Variants in CNTLN observed in about 807,000 individuals in gnomAD.
The protein encoded by CNTLN is centlein.
In CNTLN, 212 loss-of-function variants were observed where a neutral mutation model predicts 180.0. That is an observed-to-expected ratio of 1.18 (90% CI 1.05 to 1.32). The LOEUF is 1.32. Among genes scored for constraint, CNTLN ranks in the 40% most tolerant of loss-of-function variants. CNTLN has a pLI of 0.00. For missense variants in CNTLN, 2,095 were observed against 1,610.9 expected (o/e 1.30, Z -5.14); for synonymous variants, 722 against 563.1 (o/e 1.28, Z -3.99).
chr9:17,485,129 T>C (rs973556436), intron 24 of CNTLN, among the ~76,000 whole-genome samples: 3 of 152,242 alleles, frequency 2.0e-5, no homozygotes, highest in Admixed American at 1.3e-4. Context: ...TTGCGAAACA[T>C]GTGTAGGATG....
At chr9:17,496,401 C>T (rs901855495) in intron 25 of CNTLN, among the ~76,000 whole-genome samples, 3 of 151,764 alleles carry the variant, frequency 2.0e-5, no homozygotes, top group African/African-American at 7.3e-5. Context: ...TCATTGTATT[C>T]TCACATAGCA....
intron 12 of CNTLN, among the ~76,000 whole-genome samples, chr9:17,363,944 T>A (rs1587783097): frequency 6.6e-6 from 1 of 152,176 alleles, no homozygotes; most frequent in African/African-American, 2.4e-5. Context: ...ATTATTTTCC[T>A]TCTGGCTTTG....
intron 6 of CNTLN, among the ~76,000 whole-genome samples, chr9:17,282,123 C>A (rs1347956734): frequency 6.6e-6 from 1 of 152,064 alleles, no homozygotes; most frequent in Non-Finnish European, 1.5e-5. Flanking sequence ...CCACCATGCC[C>A]AGCTAGTTTT....
intron 2 of CNTLN, among the ~76,000 whole-genome samples, chr9:17,201,203 G>GCTTTTGA (rs1302019664): frequency 2.0e-5 from 3 of 152,192 alleles, no homozygotes; most frequent in Non-Finnish European, 4.4e-5. Context: ...TGGTGGATAA[G>GCTTTTGA]CTTTTTTGAT....
chr9:17,498,999 T>A (rs1268880723), intron 25 of CNTLN, among the ~76,000 whole-genome samples: 1 of 152,164 alleles, frequency 6.6e-6, no homozygotes, highest in Admixed American at 6.5e-5. Flanking sequence ...AACTATAAAC[T>A]CCTTGTATGA....
chr9:17,219,901 G>C (rs1824016185), intron 2 of CNTLN, among the ~76,000 whole-genome samples: 2 of 151,772 alleles, frequency 1.3e-5, no homozygotes, highest in Non-Finnish European at 2.9e-5. Flanking sequence ...CTTCTCTCTA[G>C]TGTCCCCTCT....
At chr9:17,367,439 G>A (rs1044340262) in intron 13 of CNTLN, among the ~76,000 whole-genome samples, 2 of 152,016 alleles carry the variant, frequency 1.3e-5, no homozygotes, top group Non-Finnish European at 2.9e-5. Flanking sequence ...CAACTCCTAG[G>A]CAAGCCCTAG....
At chr9:17,482,364 A>G (rs551944444) in intron 23 of CNTLN, among the ~76,000 whole-genome samples, 28 of 152,236 alleles carry the variant, frequency 1.8e-4, no homozygotes, top group Middle Eastern at 3.4e-3. Flanking sequence ...ATAAGAAAAT[A>G]TATGTAAAAT....
chr9:17,213,903 C>A (rs549810687), intron 2 of CNTLN, among the ~76,000 whole-genome samples: 2 of 152,020 alleles, frequency 1.3e-5, no homozygotes, highest in Non-Finnish European at 2.9e-5. Context: ...TTTCCATTTT[C>A]TTGGTAGATC....
chr9:17,411,798 C>T (rs1309080768), intron 16 of CNTLN, among the ~76,000 whole-genome samples: 1 of 152,042 alleles, frequency 6.6e-6, no homozygotes, highest in African/African-American at 2.4e-5. Flanking sequence ...CCCACTCCAC[C>T]CCCTATCCAT....
At chr9:17,410,506 C>T (rs1209622620) in intron 16 of CNTLN, among the ~76,000 whole-genome samples, 1 of 152,074 alleles carries the variant, frequency 6.6e-6, no homozygotes, top group African/African-American at 2.4e-5. Flanking sequence ...TCTTTTCTCA[C>T]TGGAGTCTTC....
In CNTLN at chr9:17,135,080, G is replaced by C. The variant is rs1314016758; in HGVS notation, c.15G>C (p.Ser5=). 2.5e-6 allele frequency: 4 copies of C among 1,599,012 alleles called. No individual in the cohort carries two copies. The African/African-American group carries it at 4.0e-5, about 16-fold the overall frequency. The change falls in exon 1 of 26, where the codon TCG becomes TCC. Residue 5 remains serine (S), a synonymous_variant. Coordinates refer to ENST00000380647, the MANE Select transcript of CNTLN (RefSeq NM_017738.4). ...CAGCCGCAGCCATGGCGGCGCGTTC[G>C]CCTCCCTCACCGCACCCTTCGCCCC... is the stretch of plus-strand genomic sequence containing the variant. MAAR[S]PPSPHPSPPA... is the part of the protein sequence containing the mutation.
intron 8 of CNTLN, among the ~76,000 whole-genome samples, chr9:17,311,288 G>A (rs1218396363): frequency 2.6e-5 from 4 of 151,854 alleles, no homozygotes; most frequent in Admixed American, 2.6e-4. Flanking sequence ...GCCTTCCAAA[G>A]TGCTGGGATT....
chr9:17,223,988 C>T (rs1587234751), intron 2 of CNTLN, among the ~76,000 whole-genome samples: 1 of 152,012 alleles, frequency 6.6e-6, no homozygotes, highest in Non-Finnish European at 1.5e-5. Flanking sequence ...GAAAACTCTT[C>T]CCTAGGGTCT....
chr9:17,247,627 A>G (rs533959743), intron 5 of CNTLN, among the ~76,000 whole-genome samples: 1 of 152,306 alleles, frequency 6.6e-6, no homozygotes, highest in South Asian at 2.1e-4. Context: ...GTTCTTAAGA[A>G]GGTACTTTTT....
At chr9:17,387,434 G>A (rs1341269458) in intron 13 of CNTLN, among the ~76,000 whole-genome samples, 1 of 152,022 alleles carries the variant, frequency 6.6e-6, no homozygotes, top group Non-Finnish European at 1.5e-5. Context: ...GTTATTTATA[G>A]GATTTGATAT....
At chr9:17,242,852 C>T (rs922160426) in intron 5 of CNTLN, among the ~76,000 whole-genome samples, 2 of 152,104 alleles carry the variant, frequency 1.3e-5, no homozygotes, top group South Asian at 2.1e-4. Context: ...CAGGGTAATA[C>T]TGGCCTTGTA....
chr9:17,525,153 A>C, the CNTLN span, among the ~76,000 whole-genome samples: 4 of 152,270 alleles, frequency 2.6e-5, no homozygotes, highest in South Asian at 8.3e-4. Flanking sequence ...CTCAGCCAAA[A>C]CATTACCCAA....
chr9:17,470,005 T>C (rs1831969331), intron 23 of CNTLN, among the ~76,000 whole-genome samples: 1 of 151,914 alleles, frequency 6.6e-6, no homozygotes, highest in Non-Finnish European at 1.5e-5. Flanking sequence ...TCAACTATTA[T>C]TATCAGTAGT....
Sources: allele counts gnomAD v4.1 joint callset (sites outside exome capture counted in the v4.1 genomes callset), GRCh38; gene constraint gnomAD v4.1.1; transcripts MANE v1.5; gene names NCBI Gene and HGNC (gene_info 2026-07-23, HGNC 2026-07-21).